Variants in TRIM36 observed in about 807,000 individuals in gnomAD.
TRIM36 encodes the protein E3 ubiquitin-protein ligase TRIM36.
Under a neutral mutation model 72.4 loss-of-function variants are expected in TRIM36, and 42 were observed. That is an observed-to-expected ratio of 0.58 (90% CI 0.45 to 0.75). TRIM36 has a LOEUF of 0.75. Among genes scored for constraint, TRIM36 ranks in the 30% least tolerant of loss-of-function variants. The probability of loss-of-function intolerance (pLI) is 0.00; values close to 1 mark genes in which losing one functional copy is unlikely to be tolerated. For synonymous variants in TRIM36, 315 were observed against 282.8 expected (o/e 1.11, Z -1.14); for missense variants, 913 against 857.1 (o/e 1.07, Z -0.81).
intron 4 of TRIM36, among the ~76,000 whole-genome samples, chr5:115,143,772 CG>C (rs1421756856): frequency 8.6e-5 from 13 of 152,032 alleles, no homozygotes; most frequent in African/African-American, 2.7e-4. Context: ...AAGAATAAAA[CG>C]AAAAGATAGT....
chr5:115,179,752 G>A (rs1329705617), intron 1 of TRIM36, among the ~76,000 whole-genome samples: 1 of 152,252 alleles, frequency 6.6e-6, no homozygotes, highest in East Asian at 1.9e-4. Flanking sequence ...AAAAGCGTCC[G>A]AAAGTCCCCT....
Position 115,169,588 on chromosome 5 carries a change from G to A in TRIM36, c.27+20C>T. On this transcript the variant is annotated intron_variant, in intron 1 of 9. Transcript: ENST00000513154. ...GCACACCGCCCTCGAGGTGGGGGCG[G>A]CGGTCCCCTCCGCACTCACCGGCGA... 1.3e-6 allele frequency: 2 copies of A among 1,508,748 alleles called. No individual in the cohort carries two copies. The highest frequency in any genetic ancestry group is 1.8e-6 in the Non-Finnish European group (2 of 1,131,778). The allele number at this position is 1,508,748 out of a possible 1,614,324, so 93.5% of individuals were successfully genotyped here. A position where few individuals can be genotyped will look rare whatever the true frequency, so the allele number is the denominator to read the frequency against.
chr5:115,131,700 TACA>T (rs1463302995), intron 8 of TRIM36, among the ~76,000 whole-genome samples: 1 of 152,210 alleles, frequency 6.6e-6, no homozygotes, highest in Non-Finnish European at 1.5e-5. Flanking sequence ...GGATACATGC[TACA>T]ACATGTATGA....
Position 115,134,002 on chromosome 5 carries a change from A to C in TRIM36, c.1356T>G (p.Asn452Lys), listed in dbSNP as rs200788131. The change falls in exon 8 of 10, where the codon AAT (asparagine) becomes AAG (lysine). Residue 452 changes from asparagine to lysine, a missense_variant. Transcript: ENST00000513154. The stretch of plus-strand genomic sequence containing the variant: ...TACTTGTTCCACACACTTCTATCTC[A>C]TTCCATGACATTTCATCATCTCTAT... ...KINRDDEMSW[N>K]EIEVCGTSKI... 114 of 1,613,534 alleles carry C rather than the reference A, an allele frequency of 7.1e-5. No homozygotes were observed. In the South Asian group the frequency reaches 1.1e-3, roughly 16 times the overall value.
At chr5:115,170,306 C>T (rs1214668004), upstream of TRIM36, among the ~76,000 whole-genome samples, 1 of 152,210 alleles carries the variant, frequency 6.6e-6, no homozygotes, top group East Asian at 1.9e-4. Context: ...GGCCCCTGGC[C>T]CCTGGCCCTG....
intron 1 of TRIM36, chr5:115,168,998 G>C (rs1754937434): frequency 6.6e-6 from 1 of 152,304 alleles, no homozygotes; most frequent in Non-Finnish European, 1.5e-5. Flanking sequence ...CTGTCATTGA[G>C]GGAGAAACAA....
intron 2 of TRIM36, among the ~76,000 whole-genome samples, chr5:115,158,345 A>AAAAAAT (rs1754296419): frequency 6.6e-6 from 1 of 152,194 alleles, no homozygotes; most frequent in African/African-American, 2.4e-5. Context: ...ACTCTAAAAA[A>AAAAAAT]TTTCAAATTG....
At chr5:115,171,196 GC>G, upstream of TRIM36, 1 of 1,614,206 alleles carries the variant, frequency 6.2e-7, no homozygotes, top group Non-Finnish European at 8.5e-7. Context: ...CCTGTCTGCA[GC>G]GGTAGCCTCG....
chr5:115,134,223 A>C, intron 7 of TRIM36, 76 bp from the exon 8 acceptor site: 1 of 1,328,834 alleles, frequency 7.5e-7, no homozygotes, highest in Non-Finnish European at 1.0e-6. Flanking sequence ...CAATAAAATG[A>C]CATATAAACA....
rs375839245 is a variant in TRIM36, at chr5:115,169,627, C to T, written c.8G>A (p.Gly3Asp). The T allele has an allele frequency of 6.6e-7, 1 of 1,524,532 alleles. No individual in the cohort carries two copies. The highest frequency in any genetic ancestry group is 8.8e-7 in the Non-Finnish European group (1 of 1,141,962). The allele number at this position is 1,524,532 out of a possible 1,614,324, so 94.4% of individuals were successfully genotyped here. ...ACTCACCGGCGAATCTGAGCCATCG[C>T]CCTCCATGGCTGCCTTCTGCCAGGT... is the stretch of plus-strand genomic sequence containing the variant. The part of the protein sequence containing the change: ME[G>D]DGSDSPVTIK... The change falls in exon 1 of 10, where the codon GGC (glycine) becomes GAC (aspartate). Residue 3 changes from glycine to aspartate, a missense_variant. By Grantham distance (94) the Gly-to-Asp change is moderately conservative. Coordinates refer to ENST00000513154, the MANE Select transcript of TRIM36 (RefSeq NM_001300759.2).
intron 1 of TRIM36, among the ~76,000 whole-genome samples, chr5:115,165,993 G>C (rs1355289261): frequency 6.6e-6 from 1 of 152,162 alleles, no homozygotes; most frequent in East Asian, 1.9e-4. Context: ...TCTGGACTTT[G>C]GGCGCTGATG....
chr5:115,126,367 T>C lies in TRIM36; in HGVS notation c.*136A>G, dbSNP rs1752357410. ...AAGACACAAGGCTGTTTAGATTTTC[T>C]GTATTTCAAGAAGAATCATACTCAA... On this transcript the variant is annotated 3_prime_UTR_variant, in exon 10 of 10. Transcript: ENST00000513154. The C allele has an allele frequency of 1.5e-6, 1 of 669,732 alleles. No individual in the cohort carries two copies. Among genetic ancestry groups the C allele is most frequent in the Non-Finnish European group, 2.5e-6 (1 of 407,698 alleles). 41.5% of individuals were successfully genotyped at this position (669,732 alleles called of 1,614,324 possible). A position where few individuals can be genotyped will look rare whatever the true frequency, so the allele number is the denominator to read the frequency against.
At chr5:115,175,071 C>T (rs1376704367) in intron 1 of TRIM36, among the ~76,000 whole-genome samples, 2 of 151,646 alleles carry the variant, frequency 1.3e-5, no homozygotes, top group Admixed American at 1.3e-4. Context: ...TAAATAAGAA[C>T]ACAATACACC....
upstream of TRIM36, chr5:115,170,017 G>A: frequency 9.6e-7 from 1 of 1,044,088 alleles, no homozygotes; most frequent in East Asian, 6.8e-5. Flanking sequence ...AAAGAGGCGG[G>A]GCCGCCTGGG....
chr5:115,128,874 G>T (rs1310260111), intron 9 of TRIM36, among the ~76,000 whole-genome samples: 1 of 150,194 alleles, frequency 6.7e-6, no homozygotes, highest in Non-Finnish European at 1.5e-5. Context: ...TAGTGTGTTT[G>T]TAAAGTTTAC....
intron 1 of TRIM36, among the ~76,000 whole-genome samples, chr5:115,179,240 G>A (rs1755494509): frequency 6.6e-6 from 1 of 152,162 alleles, no homozygotes; most frequent in Non-Finnish European, 1.5e-5. Flanking sequence ...CCAGCCTCCC[G>A]CACTGACTCA....
At chr5:115,151,194 C>A (rs1007585380) in intron 2 of TRIM36, among the ~76,000 whole-genome samples, 2 of 152,060 alleles carry the variant, frequency 1.3e-5, no homozygotes, top group South Asian at 4.1e-4. Context: ...GTTGGGGGTA[C>A]AGTGGAAGTG....
chr5:115,163,670 T>C lies in TRIM36; in HGVS notation c.110A>G (p.Gln37Arg). Residue 37 changes from glutamine (Q) to arginine (R), a missense_variant, in exon 2 of 10, where the codon CAA (glutamine) becomes CGA (arginine). Gln to Arg is a conservative substitution (Grantham distance 43). Coordinates refer to ENST00000513154, the MANE Select transcript of TRIM36 (RefSeq NM_001300759.2). Reference protein sequence around the residue: ...LFTHPLILPCQHSICHKCVKE... With the variant: ...LFTHPLILPCRHSICHKCVKE... Reference sequence around the variant, plus strand: ...TACACATTTATGACAGATACTATGTTGGCAAGGGAGAATCAATGGGTGGGT... The same window carrying C: ...TACACATTTATGACAGATACTATGTCGGCAAGGGAGAATCAATGGGTGGGT... 2 of 1,614,178 alleles carry C rather than the reference T, an allele frequency of 1.2e-6. No individual in the cohort carries two copies. The highest frequency in any genetic ancestry group is 1.7e-6 in the Non-Finnish European group (2 of 1,180,032).
intron 2 of TRIM36, among the ~76,000 whole-genome samples, chr5:115,156,421 G>T (rs969993737): frequency 2.0e-5 from 3 of 152,138 alleles, no homozygotes; most frequent in Non-Finnish European, 2.9e-5. Context: ...AAACTATACT[G>T]TAAGGCCATA....
Sources: allele counts gnomAD v4.1 joint callset (sites outside exome capture counted in the v4.1 genomes callset), GRCh38; gene constraint gnomAD v4.1.1; transcripts MANE v1.5; gene names NCBI Gene and HGNC (gene_info 2026-07-23, HGNC 2026-07-21).